PRX: variants seen among roughly 807,000 people sequenced by gnomAD.
PRX encodes periaxin.
Under a neutral mutation model 29.6 loss-of-function variants are expected in PRX, and 24 were observed. The ratio of observed to expected loss-of-function variants is 0.81; its 90% CI spans 0.59 to 1.14. The LOEUF is 1.14. Among genes scored for constraint, PRX ranks in the 50% most tolerant of loss-of-function variants. The pLI is 0.00. For missense variants in PRX, 1,838 were observed against 1,926.4 expected (o/e 0.95, Z 0.86); for synonymous variants, 772 against 831.7 (o/e 0.93, Z 1.24).
chr19:40,396,314 G>A lies in PRX; in HGVS notation c.2038C>T (p.Leu680Phe), dbSNP rs774147583. Reference protein sequence around the residue: ...MPEMAVPEVRLPEVQLPKVSE... With the variant: ...MPEMAVPEVRFPEVQLPKVSE... Reference sequence around the variant, plus strand: ...ACTTTTGGCAGCTGCACCTCGGGGAGTCGAACCTCTGGCACAGCCATCTCA... The same window carrying A: ...ACTTTTGGCAGCTGCACCTCGGGGAATCGAACCTCTGGCACAGCCATCTCA... Residue 680 changes from leucine to phenylalanine, a missense_variant, in exon 7 of 7, where the codon CTC (leucine) becomes TTC (phenylalanine). Leu to Phe is a conservative substitution (Grantham distance 22, BLOSUM62 0). Coordinates refer to ENST00000324001, the MANE Select transcript of PRX (RefSeq NM_181882.3). 3 of 1,611,488 alleles carry A rather than the reference G, an allele frequency of 1.9e-6. No individual in the cohort carries two copies. Among genetic ancestry groups the A allele is most frequent in the South Asian group, 2.2e-5 (2 of 91,022 alleles).
At chr19:40,408,290 G>A (rs2079541704) in intron 2 of PRX, 34 bp from the exon 3 acceptor site, 1 of 456,292 alleles carries the variant, frequency 2.2e-6, no homozygotes, top group Non-Finnish European at 4.1e-6. Flanking sequence ...GAAGCTCCAG[G>A]CAGGCGAGGA....
In PRX at chr19:40,394,196, G is replaced by A; in HGVS notation, c.4156C>T (p.Pro1386Ser). The change falls in exon 7 of 7, where the codon CCT (proline) becomes TCT (serine). Residue 1386 changes from proline to serine, a missense_variant. Physicochemically the swap from Pro to Ser is moderately conservative, Grantham distance 74 (BLOSUM62 -1). Transcript: ENST00000324001. The surrounding 1 kb of genome is among the most constrained non-coding windows in gnomAD (Gnocchi z 5.8). ...TCCTGCCCCCGAGAGGCTTTAGAAGGGGCCGCCAGGCCTACACGTGGCAAG... is the reference window on the plus strand; with the variant it reads ...TCCTGCCCCCGAGAGGCTTTAGAAGAGGCCGCCAGGCCTACACGTGGCAAG... Reference protein sequence around the residue: ...VRLPRVGLAAPSKASRGQEGD... With the variant: ...VRLPRVGLAASSKASRGQEGD... The A allele has an allele frequency of 6.3e-7, 1 of 1,589,958 alleles. No homozygotes were observed. The highest frequency in any genetic ancestry group is 8.6e-7 in the Non-Finnish European group (1 of 1,165,018).
chr19:40,398,883 C>T lies in PRX; in HGVS notation c.185-67G>A. 3 of 1,608,142 alleles carry T rather than the reference C, an allele frequency of 1.9e-6. No homozygotes were observed. Among genetic ancestry groups the T allele is most frequent in the Non-Finnish European group, 2.5e-6 (3 of 1,177,142 alleles). On this transcript the variant is annotated intron_variant, in intron 5 of 6. Transcript: ENST00000324001. This position sits in a 1 kb window ranked among gnomAD's most constrained non-coding sequence, Gnocchi z 6.3. Reference sequence around the variant, plus strand: ...GGCTCCGCCCGGGCCTAGTTCTGCCCACTTGCACGGAGCCCTCGCGGTGAG... The same window carrying T: ...GGCTCCGCCCGGGCCTAGTTCTGCCTACTTGCACGGAGCCCTCGCGGTGAG...
chr19:40,394,069 T>G lies in PRX; in HGVS notation c.4283A>C (p.Gln1428Pro), dbSNP rs2145724629. The G allele has an allele frequency of 6.2e-7, 1 of 1,612,028 alleles. No homozygotes were observed. Among genetic ancestry groups the G allele is most frequent in the Non-Finnish European group, 8.5e-7 (1 of 1,178,464 alleles). Residue 1428 changes from glutamine to proline, a missense_variant, in exon 7 of 7, where the codon CAG becomes CCG. This residue lies in a region of PRX where 1,143 missense variants were observed against 1,193.0 expected (regional missense o/e 0.96). Coordinates refer to ENST00000324001, the MANE Select transcript of PRX (RefSeq NM_181882.3). This position sits in a 1 kb window ranked among gnomAD's most constrained non-coding sequence, Gnocchi z 5.8. ...SPKARSGSGD[Q>P]EEGGLRVRLP... is the part of the protein sequence containing the mutation. Reference sequence around the variant, plus strand: ...CCGCACCCGCAATCCACCCTCTTCCTGGTCCCCACTCCCACTCCGGGCCTT... The same window carrying G: ...CCGCACCCGCAATCCACCCTCTTCCGGGTCCCCACTCCCACTCCGGGCCTT...
upstream of PRX, among the ~76,000 whole-genome samples, chr19:40,414,610 C>A (rs1487221003): frequency 6.6e-6 from 1 of 152,126 alleles, no homozygotes; most frequent in Admixed American, 6.5e-5. Flanking sequence ...CAGAGTTGAA[C>A]CCAGACCTGC....
Position 40,396,368 on chromosome 19 carries a change from C to T in PRX, c.1984G>A (p.Val662Ile), listed in dbSNP as rs1347911633. Residue 662 changes from valine to isoleucine, a missense_variant, in exon 7 of 7, where the codon GTC becomes ATC. Physicochemically the swap from Val to Ile is conservative, Grantham distance 29 (BLOSUM62 3). Coordinates refer to ENST00000324001, the MANE Select transcript of PRX (RefSeq NM_181882.3). ...ATTTTAGGGAGTTTCATCTCTGGGA[C>T]TTTCGGGAGCTGCACTTCCGGGAGG... is the stretch of plus-strand genomic sequence containing the variant. ...VHLPEVQLPK[V>I]PEMKLPKMPE... The T allele has an allele frequency of 6.2e-7, 1 of 1,612,922 alleles. No individual in the cohort carries two copies. The highest frequency in any genetic ancestry group is 8.5e-7 in the Non-Finnish European group (1 of 1,179,866).
chr19:40,401,632 T>C (rs1981957), intron 5 of PRX, among the ~76,000 whole-genome samples: 2,328 of 152,284 alleles, frequency 0.015, 128 homozygotes, highest in Admixed American at 0.11. Context: ...GCGTAGACAC[T>C]GGCTTCCTCA....
At position 40,397,226 on chromosome 19, in the gene PRX, T is replaced by C; in HGVS notation, c.1126A>G (p.Lys376Glu). The C allele has an allele frequency of 2.5e-6, 4 of 1,613,916 alleles. No individual in the cohort carries two copies. Among genetic ancestry groups the C allele is most frequent in the Non-Finnish European group, 3.4e-6 (4 of 1,180,032 alleles). Residue 376 changes from lysine (K) to glutamate (E), a missense_variant, in exon 7 of 7, where the codon AAG (lysine) becomes GAG (glutamate). This residue lies in a region of PRX where 666 missense variants were observed against 665.0 expected (regional missense o/e 1.00). Coordinates refer to ENST00000324001, the MANE Select transcript of PRX (RefSeq NM_181882.3). ...GCCTCAGGGCTGACCTTGGCTACCT[T>C]GGCCTCAGCAACTTCCTTTGCTCGA... ...GARAKEVAEA[K>E]VAKVSPEARV...
upstream of PRX, among the ~76,000 whole-genome samples, chr19:40,413,864 A>C (rs2079570375): frequency 6.6e-6 from 1 of 152,230 alleles, no homozygotes. Context: ...GAGTTAAAAG[A>C]GACTGAAAAT....
At chr19:40,399,234 C>G (rs1461749320) in intron 5 of PRX, among the ~76,000 whole-genome samples, 1 of 152,188 alleles carries the variant, frequency 6.6e-6, no homozygotes, top group Admixed American at 6.6e-5. Flanking sequence ...AGGGCAATCT[C>G]TCCACCGCCT....
At chr19:40,406,247 CAA>C (rs112824640) in intron 4 of PRX, among the ~76,000 whole-genome samples, 15 of 88,754 alleles carry the variant, frequency 1.7e-4, no homozygotes, top group Admixed American at 5.8e-4. Flanking sequence ...GAATCCGTCT[CAA>C]AAAAAAAAAA....
chr19:40,393,945 A>G lies in PRX; in HGVS notation c.*21T>C. The G allele has an allele frequency of 6.2e-7, 1 of 1,608,708 alleles. No homozygotes were observed. The highest frequency in any genetic ancestry group is 8.5e-7 in the Non-Finnish European group (1 of 1,179,690). ...GGTAGAGAAAGGAAGGCAAGAAGGG[A>G]TCCCCATCTGACTAGGGGCTTCAGA... is the stretch of plus-strand genomic sequence containing the variant. On this transcript the variant is annotated 3_prime_UTR_variant, in exon 7 of 7. Transcript: ENST00000324001.
At position 40,397,092 on chromosome 19, in the gene PRX, G is replaced by T; in HGVS notation, c.1260C>A (p.Ile420=). Reference sequence around the variant, plus strand: ...CTCCGATGCCAAGGGAGGGCATCTTGATGGTGGGCAGCTTCAGCTTGCTCT... The same window carrying T: ...CTCCGATGCCAAGGGAGGGCATCTTTATGGTGGGCAGCTTCAGCTTGCTCT... ...VVESKLKLPT[I]KMPSLGIGVS... is the part of the protein sequence containing the mutation. The change falls in exon 7 of 7, where the codon ATC becomes ATA. Residue 420 remains isoleucine, a synonymous_variant. Coordinates refer to ENST00000324001, the MANE Select transcript of PRX (RefSeq NM_181882.3). 1 of 1,614,124 alleles carries T rather than the reference G, an allele frequency of 6.2e-7. No individual in the cohort carries two copies. The highest frequency in any genetic ancestry group is 1.7e-5 in the Admixed American group (1 of 60,020).
Position 40,399,889 on chromosome 19 carries a change from TTCTTTCTTTCTTTCTTTTTC to T in PRX, c.185-1093_185-1074del, listed in dbSNP as rs1475950230. 6.3e-3 allele frequency among the ~76,000 whole-genome samples: 414 copies of T among 66,064 alleles called. 6 individuals are homozygous for T. Among genetic ancestry groups the T allele is most frequent in the African/African-American group, 0.041 (394 of 9,520 alleles). 43.3% of individuals were successfully genotyped at this position (66,064 alleles called of 152,430 possible). A position where few individuals can be genotyped will look rare whatever the true frequency, so the allele number is the denominator to read the frequency against. ...TTTCTTTCTTTCTTTCTTTCTTTCT[TTCTTTCTTTCTTTCTTTTTC>T]TTTCTTTCTTTCTTTCACCCAGCTT... On this transcript the variant is annotated intron_variant, in intron 5 of 6. Coordinates refer to ENST00000324001, the MANE Select transcript of PRX (RefSeq NM_181882.3).
chr19:40,404,586 G>C (rs1270101735), intron 4 of PRX, among the ~76,000 whole-genome samples: 1 of 151,832 alleles, frequency 6.6e-6, no homozygotes, highest in Admixed American at 6.6e-5. Flanking sequence ...TTTTGTTGGG[G>C]GAGACAGGGT....
At chr19:40,399,867 C>CTT (rs1251262540) in intron 5 of PRX, among the ~76,000 whole-genome samples, 4 of 64,814 alleles carry the variant, frequency 6.2e-5, no homozygotes, top group African/African-American at 3.6e-4. Context: ...TTCTTTCTTT[C>CTT]TTTCTTTCTT....
chr19:40,408,616 G>C (rs2079543431), intron 1 of PRX, among the ~76,000 whole-genome samples: 1 of 152,182 alleles, frequency 6.6e-6, no homozygotes, highest in Admixed American at 6.5e-5. Context: ...GGCCAACTGA[G>C]GGGGCCAAAT....
In PRX at chr19:40,394,399, TC is replaced by T; in HGVS notation, c.3952del (p.Glu1318ArgfsTer64). On this transcript the variant is annotated frameshift_variant, in exon 7 of 7. Transcript: ENST00000324001. LOFTEE classifies it high-confidence loss of function. The surrounding 1 kb of genome is among the most constrained non-coding windows in gnomAD (Gnocchi z 5.8). ...LPRFGLVRAK[E>X]GAEEGEKAKS... ...GGCCTTCTCACCCTCCTCGGCCCCCTCCTTGGCCCGCACCAGGCCAAACCGG... is the reference window on the plus strand; with the variant it reads ...GGCCTTCTCACCCTCCTCGGCCCCCTCTTGGCCCGCACCAGGCCAAACCGG... 6.2e-7 allele frequency: 1 copy of T among 1,600,986 alleles called. No homozygotes were observed. The highest frequency in any genetic ancestry group is 8.5e-7 in the Non-Finnish European group (1 of 1,173,908).
intron 5 of PRX, among the ~76,000 whole-genome samples, chr19:40,401,244 G>A (rs1204170351): frequency 6.6e-6 from 1 of 152,172 alleles, no homozygotes; most frequent in Non-Finnish European, 1.5e-5. Flanking sequence ...TAGCCAGTTT[G>A]TTGATCTCCC....
Sources: gnomAD v4.1 joint callset for allele counts (sites outside exome capture counted in the v4.1 genomes callset) on GRCh38, gnomAD v4.1.1 for gene constraint, gnomAD v4.1.1 regional missense constraint, Gnocchi (gnomAD v3.1) non-coding constraint, MANE v1.5 for transcripts, NCBI Gene and HGNC (gene_info 2026-07-23, HGNC 2026-07-21) for gene names.